The following HTR4 variants were observed in gnomAD, a reference collection of about 807,000 sequenced individuals.
HTR4 encodes 5-hydroxytryptamine (serotonin) receptor 4, G protein-coupled.
A neutral mutation model predicts 36.8 loss-of-function variants in HTR4; 16 were observed. That is an observed-to-expected ratio of 0.43 (90% CI 0.29 to 0.66). The LOEUF (loss-of-function observed/expected upper bound fraction) is 0.66, where lower values mean the gene tolerates loss of function less well. Among genes scored for constraint, HTR4 ranks in the 30% least tolerant of loss-of-function variants. The pLI is 0.13. For synonymous variants in HTR4, 189 were observed against 185.1 expected (o/e 1.02, Z -0.17); for missense variants, 438 against 490.9 (o/e 0.89, Z 1.02).
chr5:148,545,146 C>T (rs570655695), intron 4 of HTR4, among the ~76,000 whole-genome samples: 3 of 152,330 alleles, frequency 2.0e-5, no homozygotes, highest in South Asian at 2.1e-4. Flanking sequence ...TATGAGGGAA[C>T]GCTCTTGGGA....
intron 5 of HTR4, among the ~76,000 whole-genome samples, chr5:148,462,587 T>C (rs929062286): frequency 6.6e-6 from 1 of 151,970 alleles, no homozygotes; most frequent in Non-Finnish European, 1.5e-5. Flanking sequence ...CTGCCAAACA[T>C]AGAAGGAAGA....
chr5:148,456,951 T>C (rs868130428), intron 5 of HTR4, among the ~76,000 whole-genome samples: 1 of 152,182 alleles, frequency 6.6e-6, no homozygotes, highest in Non-Finnish European at 1.5e-5. Context: ...AGAAATCCTT[T>C]CCTCAGTAAC....
chr5:148,566,583 C>G (rs1026847821), intron 2 of HTR4, among the ~76,000 whole-genome samples: 2 of 151,980 alleles, frequency 1.3e-5, no homozygotes, highest in African/African-American at 2.4e-5. Context: ...CCATTGAGAC[C>G]CAGCTTGAGG....
At chr5:148,500,119 G>A (rs559441361) in intron 6 of HTR4, among the ~76,000 whole-genome samples, 54 of 152,270 alleles carry the variant, frequency 3.5e-4, no homozygotes, top group South Asian at 6.2e-4. Context: ...ATAGAGCTAA[G>A]AATTCTGTTT....
chr5:148,622,510 GCTGATATCCTT>G (rs537192018), intron 2 of HTR4, among the ~76,000 whole-genome samples: 156 of 152,196 alleles, frequency 1.0e-3, no homozygotes, highest in Middle Eastern at 6.8e-3. Context: ...TTCTTGTCAG[GCTGATATCCTT>G]CTGATACTCC....
At chr5:148,580,394 T>C (rs1409163013) in intron 2 of HTR4, among the ~76,000 whole-genome samples, 1 of 152,040 alleles carries the variant, frequency 6.6e-6, no homozygotes, top group Non-Finnish European at 1.5e-5. Flanking sequence ...CATGCCAAAA[T>C]TCCCCCTTTT....
intron 1 of HTR4, among the ~76,000 whole-genome samples, chr5:148,652,557 T>A (rs766177393): frequency 8.5e-5 from 13 of 152,120 alleles, no homozygotes; most frequent in Non-Finnish European, 1.8e-4. Context: ...CTTTTGCCCC[T>A]ACAGGGAACA....
At chr5:148,580,137 T>A (rs1761077525) in intron 2 of HTR4, among the ~76,000 whole-genome samples, 2 of 151,990 alleles carry the variant, frequency 1.3e-5, no homozygotes, top group Non-Finnish European at 2.9e-5. Flanking sequence ...ATGGGAACAA[T>A]GGTGCTCACT....
chr5:148,556,129 T>G (rs1226387187), intron 2 of HTR4, among the ~76,000 whole-genome samples: 1 of 152,200 alleles, frequency 6.6e-6, no homozygotes, highest in Non-Finnish European at 1.5e-5. Flanking sequence ...GTTCAAGTGA[T>G]TCTCCTGCCT....
At chr5:148,451,654 A>T (rs1030777541) in intron 5 of HTR4, among the ~76,000 whole-genome samples, 7 of 152,086 alleles carry the variant, frequency 4.6e-5, no homozygotes, top group African/African-American at 1.7e-4. Context: ...TCTACCAGGG[A>T]TAGTTTTGGG....
chr5:148,634,095 A>G (rs535249308), intron 2 of HTR4, among the ~76,000 whole-genome samples: 1 of 152,168 alleles, frequency 6.6e-6, no homozygotes, highest in Non-Finnish European at 1.5e-5. Flanking sequence ...TAACTGTAAG[A>G]CATTTTATTT....
chr5:148,545,844 G>A (rs1176977742), intron 4 of HTR4, among the ~76,000 whole-genome samples: 1 of 152,208 alleles, frequency 6.6e-6, no homozygotes, highest in African/African-American at 2.4e-5. Context: ...AGCCACTGAA[G>A]GGTTTTAAGC....
intron 2 of HTR4, among the ~76,000 whole-genome samples, chr5:148,595,274 C>G (rs529299886): frequency 1.3e-4 from 20 of 152,174 alleles, no homozygotes; most frequent in Admixed American, 1.2e-3. Flanking sequence ...AATACTCAAA[C>G]ATTACAGGAC....
At position 148,578,284 on chromosome 5, in the gene HTR4, T is replaced by C. The variant is rs531052460; in HGVS notation, c.27-28022A>G. On this transcript the variant is annotated intron_variant, in intron 2 of 6. Coordinates refer to ENST00000377888, the MANE Select transcript of HTR4 (RefSeq NM_000870.7). ...GCAGTGTTATTTTCTTAGTCTGAAC[T>C]ATTTTGCAATAAATTATAAACACTC... Among the ~76,000 whole-genome samples the C allele has an allele frequency of 4.6e-5, 7 of 152,110 alleles. 1 individual carries two copies. The highest frequency in any genetic ancestry group is 1.7e-4 in the African/African-American group (7 of 41,538).
intron 2 of HTR4, among the ~76,000 whole-genome samples, chr5:148,611,474 T>C (rs1480531332): frequency 1.5e-5 from 2 of 131,160 alleles, no homozygotes; most frequent in Non-Finnish European, 1.6e-5. Context: ...GACAAGCAAA[T>C]GCTGAGAGAT....
chr5:148,496,692 T>C (rs983262394), intron 6 of HTR4, among the ~76,000 whole-genome samples: 1 of 152,206 alleles, frequency 6.6e-6, no homozygotes, highest in Admixed American at 6.5e-5. Context: ...ACTGCTCAGA[T>C]GGGAAGCTTC....
intron 6 of HTR4, chr5:148,484,343 C>T (rs200750495): frequency 9.9e-6 from 16 of 1,612,988 alleles, no homozygotes; most frequent in Non-Finnish European, 1.0e-5. Flanking sequence ...TTGTCCAATA[C>T]CTTGCTAAAA....
chr5:148,650,680 T>A (rs1754009133), intron 1 of HTR4, among the ~76,000 whole-genome samples: 1 of 152,150 alleles, frequency 6.6e-6, no homozygotes, highest in Admixed American at 6.5e-5. Flanking sequence ...CCTTCCTCCA[T>A]CCTTCCTCTC....
chr5:148,600,976 CAAAAA>C (rs58003522), intron 2 of HTR4, among the ~76,000 whole-genome samples: 3 of 13,546 alleles, frequency 2.2e-4, no homozygotes, highest in African/African-American at 1.2e-3. Flanking sequence ...AACTCAATAG[CAAAAA>C]AAAAAAAAAA....
Sources: gnomAD v4.1 joint callset for allele counts (sites outside exome capture counted in the v4.1 genomes callset) on GRCh38, gnomAD v4.1.1 for gene constraint, MANE v1.5 for transcripts, NCBI Gene and HGNC (gene_info 2026-07-23, HGNC 2026-07-21) for gene names.